PLS1: variants seen among roughly 807,000 people sequenced by gnomAD.
The protein encoded by PLS1 is plastin 1.
A neutral mutation model predicts 73.7 loss-of-function variants in PLS1; 32 were observed. The observed-to-expected ratio is 0.43, with a 90% confidence interval of 0.33 to 0.58. The LOEUF (loss-of-function observed/expected upper bound fraction) is 0.58. Among genes scored for constraint, PLS1 ranks in the 20% least tolerant of loss-of-function variants. The pLI is 0.04. For missense variants in PLS1, 633 were observed against 740.5 expected (o/e 0.85, Z 1.68); for synonymous variants, 217 against 261.3 (o/e 0.83, Z 1.63).
chr3:142,712,115 T>C lies in PLS1; in HGVS notation c.*108T>C. 1.0e-6 allele frequency: 1 copy of C among 968,674 alleles called. No homozygotes were observed. Among genetic ancestry groups the C allele is most frequent in the Non-Finnish European group, 1.6e-6 (1 of 628,824 alleles). 60.0% of individuals were successfully genotyped at this position (968,674 alleles called of 1,614,324 possible). On this transcript the variant is annotated 3_prime_UTR_variant, in exon 16 of 16. Coordinates refer to ENST00000457734, the MANE Select transcript of PLS1 (RefSeq NM_001145319.2). ...CCAGAGATTATTTGTATGCTCAAAA[T>C]AGTTATATATTCATTAATGAATTCA...
Position 142,704,014 on chromosome 3 carries a change from A to T in PLS1, c.1505+13A>T, listed in dbSNP as rs911054056. 74 of 1,612,052 alleles carry T rather than the reference A, an allele frequency of 4.6e-5. No individual in the cohort carries two copies. Among genetic ancestry groups the T allele is most frequent in the Non-Finnish European group, 6.3e-5 (74 of 1,178,760 alleles). Reference sequence around the variant, plus strand: ...AGCTGATGAGAAGGTAAAGGCTGATATGTTGGTAGCAACACTGCCTGTTTC... The same window carrying T: ...AGCTGATGAGAAGGTAAAGGCTGATTTGTTGGTAGCAACACTGCCTGTTTC... On this transcript the variant is annotated intron_variant, in intron 13 of 15. Coordinates refer to ENST00000457734, the MANE Select transcript of PLS1 (RefSeq NM_001145319.2).
chr3:142,712,726 T>C lies in PLS1; in HGVS notation c.*719T>C, dbSNP rs1282787198. The C allele has an allele frequency of 2.0e-5, 3 of 152,648 alleles. No individual in the cohort carries two copies. In the South Asian group the frequency reaches 6.2e-4, roughly 32 times the overall value. 9.5% of individuals were successfully genotyped at this position (152,648 alleles called of 1,614,324 possible). A position where few individuals can be genotyped will look rare whatever the true frequency, so the allele number is the denominator to read the frequency against. ...TAGGATGTTATTAGAGAGATATGTG[T>C]GCATATATATTTTTTTGCACCTGAA... On this transcript the variant is annotated 3_prime_UTR_variant, in exon 16 of 16. Coordinates refer to ENST00000457734, the MANE Select transcript of PLS1 (RefSeq NM_001145319.2).
intron 9 of PLS1, among the ~76,000 whole-genome samples, chr3:142,687,382 G>C (rs529184141): frequency 1.3e-5 from 2 of 152,172 alleles, no homozygotes; most frequent in Admixed American, 6.6e-5. Context: ...ATAATAGACT[G>C]TATGAAAATA....
At chr3:142,603,516 C>T (rs1276053029) in intron 1 of PLS1, among the ~76,000 whole-genome samples, 5 of 152,084 alleles carry the variant, frequency 3.3e-5, no homozygotes, top group East Asian at 1.9e-4. Context: ...TGGTGGCTCA[C>T]GCCTATAATC....
intron 1 of PLS1, among the ~76,000 whole-genome samples, chr3:142,641,367 AAATT>A (rs974294476): frequency 2.3e-4 from 35 of 148,964 alleles, no homozygotes; most frequent in African/African-American, 8.1e-4. Context: ...ATATAGAAAA[AAATT>A]AAGGCATTCA....
chr3:142,708,706 A>G (rs909367106), intron 14 of PLS1, among the ~76,000 whole-genome samples: 2 of 152,252 alleles, frequency 1.3e-5, no homozygotes, highest in South Asian at 4.1e-4. Flanking sequence ...CTTTATGATT[A>G]ACTTAAGGAA....
Position 142,689,772 on chromosome 3 carries a change from A to C in PLS1, c.1136A>C (p.His379Pro), listed in dbSNP as rs2038050253. 6.2e-7 allele frequency: 1 copy of C among 1,601,770 alleles called. No homozygotes were observed. The highest frequency in any genetic ancestry group is 8.5e-7 in the Non-Finnish European group (1 of 1,175,362). ...TTGTTTAACACATACCCGTGCCTGC[A>C]CAAGCCGAATAATAATGACATCGAT... ...ANLFNTYPCL[H>P]KPNNNDIDMN... The change falls in exon 10 of 16, where the codon CAC (histidine) becomes CCC (proline). Residue 379 changes from histidine to proline, a missense_variant. Transcript: ENST00000457734.
Position 142,698,085 on chromosome 3 carries a change from C to A in PLS1, c.1371+18C>A. 2.4e-6 allele frequency: 3 copies of A among 1,275,166 alleles called. No individual in the cohort carries two copies. The highest frequency in any genetic ancestry group is 1.5e-5 in the African/African-American group (1 of 68,410). The allele number at this position is 1,275,166 out of a possible 1,614,324, so 79.0% of individuals were successfully genotyped here. On this transcript the variant is annotated intron_variant, in intron 12 of 15. Transcript: ENST00000457734. ...TGAAGAAGGTGAATGAAATAATGGC[C>A]ATGGATATATTGTTATTGTTCTGAT...
At chr3:142,641,470 T>C (rs2036839571) in intron 1 of PLS1, among the ~76,000 whole-genome samples, 2 of 151,562 alleles carry the variant, frequency 1.3e-5, no homozygotes, top group Admixed American at 6.6e-5. Flanking sequence ...TTAAAAGATA[T>C]GTAATTTTCT....
chr3:142,648,783 G>C (rs2037014996), intron 1 of PLS1, among the ~76,000 whole-genome samples: 1 of 152,130 alleles, frequency 6.6e-6, no homozygotes, highest in South Asian at 2.1e-4. Context: ...TGAATTGTCT[G>C]CCATACATCC....
At chr3:142,630,792 C>G (rs372721856) in intron 1 of PLS1, among the ~76,000 whole-genome samples, 92 of 151,998 alleles carry the variant, frequency 6.1e-4, no homozygotes, top group African/African-American at 2.2e-3. Context: ...CCTTGAATAT[C>G]CAAAGCAATC....
At chr3:142,613,370 C>T (rs2036157598) in intron 1 of PLS1, among the ~76,000 whole-genome samples, 1 of 152,018 alleles carries the variant, frequency 6.6e-6, no homozygotes. Context: ...ACCCCAGCTA[C>T]TCAGGAGGCT....
intron 1 of PLS1, among the ~76,000 whole-genome samples, chr3:142,660,907 G>A (rs568374953): frequency 2.6e-5 from 4 of 152,288 alleles, no homozygotes; most frequent in African/African-American, 9.6e-5. Flanking sequence ...ATAGGCATGA[G>A]CAAAGAATAT....
chr3:142,684,841 G>C (rs1040471314), intron 8 of PLS1, among the ~76,000 whole-genome samples: 3 of 152,290 alleles, frequency 2.0e-5, no homozygotes, highest in Admixed American at 1.3e-4. Flanking sequence ...GGATCTTAAG[G>C]TATGTGCCTT....
chr3:142,653,748 C>T (rs367710324), intron 1 of PLS1, among the ~76,000 whole-genome samples: 1 of 151,998 alleles, frequency 6.6e-6, no homozygotes, highest in East Asian at 1.9e-4. Context: ...TAAAAAGAGA[C>T]CCCTTTATAT....
intron 1 of PLS1, among the ~76,000 whole-genome samples, chr3:142,606,690 C>T (rs530210603): frequency 6.6e-5 from 10 of 152,270 alleles, no homozygotes; most frequent in African/African-American, 9.6e-5. Flanking sequence ...TAAATGGAAT[C>T]GTATAATATG....
intron 1 of PLS1, among the ~76,000 whole-genome samples, chr3:142,621,181 G>A (rs534544311): frequency 3.7e-4 from 57 of 152,198 alleles, no homozygotes; most frequent in African/African-American, 9.4e-4. Flanking sequence ...GCTCATAGTA[G>A]ATACTAAAGA....
At chr3:142,647,127 T>C (rs752659904) in intron 1 of PLS1, among the ~76,000 whole-genome samples, 1 of 152,228 alleles carries the variant, frequency 6.6e-6, no homozygotes, top group Non-Finnish European at 1.5e-5. Flanking sequence ...ATTTTTCATG[T>C]GCCAGATATG....
intron 1 of PLS1, chr3:142,657,172 TTCTC>T (rs1003895253): frequency 3.9e-5 from 6 of 152,240 alleles, no homozygotes; most frequent in African/African-American, 1.4e-4. Context: ...AGTCGGCAGA[TTCTC>T]TCCGGTGAGG....
Sources: allele counts gnomAD v4.1 joint callset (sites outside exome capture counted in the v4.1 genomes callset), GRCh38; gene constraint gnomAD v4.1.1; transcripts MANE v1.5; gene names NCBI Gene and HGNC (gene_info 2026-07-23, HGNC 2026-07-21).